ARHGAP32: variants seen among roughly 807,000 people sequenced by gnomAD.
ARHGAP32 encodes rho GTPase-activating protein 32.
Under a neutral mutation model 186.5 loss-of-function variants are expected in ARHGAP32, and 51 were observed. The observed-to-expected ratio is 0.27, with a 90% confidence interval of 0.22 to 0.35. The LOEUF (loss-of-function observed/expected upper bound fraction) is 0.35. Ranked by LOEUF, ARHGAP32 falls within the 10% of genes least tolerant of loss-of-function variation. The pLI is 1.00. For missense variants in ARHGAP32, 2,186 were observed against 2,623.5 expected, an observed-to-expected ratio of 0.83 and a Z score of 3.64; for synonymous variants, 950 against 964.3, an observed-to-expected ratio of 0.99 and a Z score of 0.27.
chr11:129,053,950 A>G (rs1940152537), intron 10 of ARHGAP32, among the ~76,000 whole-genome samples: 1 of 152,182 alleles, frequency 6.6e-6, no homozygotes, highest in African/African-American at 2.4e-5. Context: ...TAAGCAGAGA[A>G]ATAAGCAAAT....
intron 2 of ARHGAP32, among the ~76,000 whole-genome samples, chr11:129,157,826 G>A (rs1943443502): frequency 6.6e-6 from 1 of 152,160 alleles, no homozygotes; most frequent in South Asian, 2.1e-4. Flanking sequence ...AGGGCAGCCA[G>A]AGAGAAAGAT....
chr11:128,989,546 A>ACACACACACACACC (rs1945980429), intron 12 of ARHGAP32, among the ~76,000 whole-genome samples: 2 of 151,514 alleles, frequency 1.3e-5, no homozygotes, highest in East Asian at 1.9e-4. Flanking sequence ...ACACACACAC[A>ACACACACACACACC]CACACACACA....
intron 1 of ARHGAP32, among the ~76,000 whole-genome samples, chr11:129,182,340 T>C (rs1308200627): frequency 6.6e-6 from 1 of 152,138 alleles, no homozygotes; most frequent in East Asian, 1.9e-4. Context: ...TATTGGGTTG[T>C]TGGACTTTTT....
chr11:129,228,499 G>T (rs1944814420), intron 1 of ARHGAP32, among the ~76,000 whole-genome samples: 1 of 152,094 alleles, frequency 6.6e-6, no homozygotes. Flanking sequence ...CCATTTAAAA[G>T]ATAACAAAAT....
At chr11:129,131,002 T>A (rs960816731) in intron 2 of ARHGAP32, among the ~76,000 whole-genome samples, 2 of 152,018 alleles carry the variant, frequency 1.3e-5, no homozygotes, top group African/African-American at 4.8e-5. Context: ...AATTCTGTGA[T>A]CGAAAAATAA....
At chr11:129,131,605 G>A (rs1045178452) in intron 2 of ARHGAP32, among the ~76,000 whole-genome samples, 1 of 151,874 alleles carries the variant, frequency 6.6e-6, no homozygotes, top group African/African-American at 2.4e-5. Context: ...GTAAGAACTC[G>A]CTCACTATGA....
chr11:129,245,452 G>C (rs2135675987), intron 1 of ARHGAP32, among the ~76,000 whole-genome samples: 1 of 149,526 alleles, frequency 6.7e-6, no homozygotes, highest in Admixed American at 6.7e-5. Flanking sequence ...ACTGTTGTGG[G>C]GTGGGGGGAC....
In ARHGAP32 at chr11:129,064,666, G is replaced by T. The variant is rs536150673; in HGVS notation, c.762+175C>A. On this transcript the variant is annotated intron_variant, in intron 8 of 22. Transcript: ENST00000682385. ...TTAGTTTCCAAGATTATCAAAGAAA[G>T]ATTTGAGATGAAAAAATATTTCGTG... Among the ~76,000 whole-genome samples, 26 of 152,160 alleles carry T rather than the reference G, an allele frequency of 1.7e-4. No homozygotes were observed. In the South Asian group the frequency reaches 4.6e-3, roughly 27 times the overall value.
chr11:129,267,057 G>C (rs1163970666), intron 1 of ARHGAP32, among the ~76,000 whole-genome samples: 1 of 152,164 alleles, frequency 6.6e-6, no homozygotes, highest in South Asian at 2.1e-4. Flanking sequence ...AAGAGAAGAA[G>C]ACCTCAGGTC....
Position 128,973,294 on chromosome 11 carries a change from T to C in ARHGAP32, c.3212A>G (p.Gln1071Arg), listed in dbSNP as rs1472228313. Residue 1071 changes from glutamine (Q) to arginine (R), a missense_variant, in exon 22 of 23, where the codon CAG (glutamine) becomes CGG (arginine). Transcript: ENST00000682385. The part of the protein sequence containing the change: ...LAESAQQAST[Q>R]SLKRPGTSQA... ...AGAGGTCCCTGGTCTCTTCAATGAC[T>C]GAGTTGAGGCTTGCTGTGCGGACTC... 1.2e-6 allele frequency: 2 copies of C among 1,614,208 alleles called. No homozygotes were observed. Among genetic ancestry groups the C allele is most frequent in the South Asian group, 2.2e-5 (2 of 91,078 alleles).
At chr11:129,228,515 T>A (rs970638140) in intron 1 of ARHGAP32, among the ~76,000 whole-genome samples, 1 of 152,130 alleles carries the variant, frequency 6.6e-6, no homozygotes, top group Admixed American at 6.6e-5. Context: ...AAAATTGGAA[T>A]ACCATGTAGC....
intron 2 of ARHGAP32, among the ~76,000 whole-genome samples, chr11:129,163,803 A>T (rs1943577630): frequency 1.3e-5 from 2 of 152,168 alleles, no homozygotes; most frequent in Non-Finnish European, 2.9e-5. Context: ...AAGCATAAAA[A>T]GCAAAAGTCT....
At chr11:129,218,823 C>A (rs182540681) in intron 1 of ARHGAP32, among the ~76,000 whole-genome samples, 2 of 152,266 alleles carry the variant, frequency 1.3e-5, no homozygotes, top group African/African-American at 2.4e-5. Flanking sequence ...GTGGATACTG[C>A]AGGTTAGATT....
upstream of ARHGAP32, among the ~76,000 whole-genome samples, chr11:129,193,726 A>ATATAATATATATTATATAT (rs1555111391): frequency 0.054 from 4,661 of 85,524 alleles, 171 homozygotes; most frequent in Non-Finnish European, 0.077. Flanking sequence ...ATTATATATT[A>ATATAATATATATTATATAT]TATATAATAT....
At chr11:129,203,276 A>C (rs568036294) in intron 1 of ARHGAP32, among the ~76,000 whole-genome samples, 2 of 152,382 alleles carry the variant, frequency 1.3e-5, no homozygotes, top group South Asian at 4.1e-4. Flanking sequence ...CTACAGATAA[A>C]GTAAATCAAA....
intron 10 of ARHGAP32, among the ~76,000 whole-genome samples, chr11:129,050,381 G>GT (rs1328773128): frequency 6.6e-6 from 1 of 151,876 alleles, no homozygotes; most frequent in East Asian, 1.9e-4. Flanking sequence ...GAGAGTTTTT[G>GT]TTTTTTAAAA....
intron 1 of ARHGAP32, among the ~76,000 whole-genome samples, chr11:129,201,989 T>C (rs979887500): frequency 1.3e-5 from 2 of 152,032 alleles, no homozygotes; most frequent in Admixed American, 6.6e-5. Context: ...TCTCTGTCTG[T>C]CTGTCTGTCT....
chr11:129,199,777 C>T (rs556594668), intron 1 of ARHGAP32, among the ~76,000 whole-genome samples: 8 of 152,332 alleles, frequency 5.3e-5, no homozygotes, highest in East Asian at 1.9e-4. Flanking sequence ...AGAGGACCAC[C>T]GTCCTCCAGA....
intron 1 of ARHGAP32, among the ~76,000 whole-genome samples, chr11:129,165,192 A>G (rs1426469443): frequency 1.3e-5 from 2 of 152,122 alleles, no homozygotes; most frequent in Non-Finnish European, 2.9e-5. Flanking sequence ...AGAAATCTAC[A>G]GCAAAATTCA....
Sources: gnomAD v4.1 joint callset for allele counts (sites outside exome capture counted in the v4.1 genomes callset) on GRCh38, gnomAD v4.1.1 for gene constraint, MANE v1.5 for transcripts, NCBI Gene and HGNC (gene_info 2026-07-23, HGNC 2026-07-21) for gene names.